NAV1: variants seen among roughly 807,000 people sequenced by gnomAD.
NAV1 encodes the protein neuron navigator 1.
In NAV1, 18 loss-of-function variants were observed where a neutral mutation model predicts 175.2. The ratio of observed to expected loss-of-function variants is 0.10; its 90% confidence interval spans 0.07 to 0.15. The LOEUF (loss-of-function observed/expected upper bound fraction) is 0.15. Ranked by LOEUF, NAV1 falls within the 10% of genes least tolerant of loss-of-function variation. The pLI is 1.00. For synonymous variants in NAV1, 897 were observed against 978.7 expected (o/e 0.92, Z 1.56); for missense variants, 1,731 against 2,436.6 (o/e 0.71, Z 6.10).
At chr1:201,771,547 C>G (rs2102674416) in intron 3 of NAV1, among the ~76,000 whole-genome samples, 1 of 151,556 alleles carries the variant, frequency 6.6e-6, no homozygotes, top group South Asian at 2.1e-4. Flanking sequence ...TATAACAGAG[C>G]CCAAACCTGG....
chr1:201,731,092 C>T (rs1672839313), intron 3 of NAV1, among the ~76,000 whole-genome samples: 1 of 152,094 alleles, frequency 6.6e-6, no homozygotes, highest in South Asian at 2.1e-4. Flanking sequence ...CACATAGCTA[C>T]ATTGGAGGCA....
chr1:201,683,579 T>C (rs778283330), intron 1 of NAV1, among the ~76,000 whole-genome samples: 2 of 152,108 alleles, frequency 1.3e-5, no homozygotes, highest in African/African-American at 2.4e-5. Flanking sequence ...CATGCTTGCC[T>C]GCACACTCAT....
At position 201,568,225 on chromosome 1, in the gene NAV1, C is replaced by T. The variant is rs114640581; in HGVS notation, c.-143-20314C>T. Reference sequence around the variant, plus strand: ...TGATGGACTGGCATCAGAGCAAGCCCCTTGCCCAGTTTTAGTCTTGTGGGC... The same window carrying T: ...TGATGGACTGGCATCAGAGCAAGCCTCTTGCCCAGTTTTAGTCTTGTGGGC... On this transcript the variant is annotated intron_variant, in intron 1 of 33. Coordinates refer to the NAV1 transcript ENST00000685211. Among the ~76,000 whole-genome samples, 235 of 152,272 alleles carry T rather than the reference C, an allele frequency of 1.5e-3. 1 individual carries two copies. Among genetic ancestry groups the T allele is most frequent in the Non-Finnish European group, 2.5e-3 (167 of 68,018 alleles).
rs1676367877 is a variant in NAV1, at chr1:201,782,176, G to A, written c.1664G>A (p.Gly555Asp). 1.9e-6 allele frequency: 3 copies of A among 1,573,898 alleles called. No homozygotes were observed. The highest frequency in any genetic ancestry group is 2.6e-6 in the Non-Finnish European group (3 of 1,160,738). ...TTTCTCATTTCCCGTCCTCTTGCAG[G>A]CAAACCTGAGGGCAAAGCTACAGAC... The change falls in exon 6 of 30, where the codon GGC becomes GAC. Residue 555 changes from glycine (G) to aspartate (D), a missense_variant and splice_region_variant. Physicochemically the swap from Gly to Asp is moderately conservative, Grantham distance 94. Transcript: ENST00000367296. This position sits in a 1 kb window ranked among gnomAD's most constrained non-coding sequence, Gnocchi z 5.4.
chr1:201,599,686 G>C (rs1316036832), intron 2 of NAV1, among the ~76,000 whole-genome samples: 1 of 152,154 alleles, frequency 6.6e-6, no homozygotes, highest in Non-Finnish European at 1.5e-5. Context: ...CCATCAGGCA[G>C]GCTTCCGAGC....
intron 1 of NAV1, among the ~76,000 whole-genome samples, chr1:201,708,947 G>A (rs1388735703): frequency 1.3e-5 from 2 of 152,036 alleles, no homozygotes; most frequent in Admixed American, 6.6e-5. Context: ...TCAGAAGTTC[G>A]AGACCAGCTT....
At chr1:201,657,978 A>G (rs1386560614) in intron 1 of NAV1, among the ~76,000 whole-genome samples, 1 of 152,120 alleles carries the variant, frequency 6.6e-6, no homozygotes, top group Non-Finnish European at 1.5e-5. Flanking sequence ...GGTTGCAGTG[A>G]TCTGAGATCA....
chr1:201,802,457 T>TTA (rs1553278312), intron 15 of NAV1, among the ~76,000 whole-genome samples: 1 of 101,086 alleles, frequency 9.9e-6, no homozygotes, highest in Non-Finnish European at 1.9e-5. Flanking sequence ...CCTGTCTCAT[T>TTA]AAAAAAAAAA....
chr1:201,603,156 A>G (rs979073124), intron 2 of NAV1, among the ~76,000 whole-genome samples: 4 of 152,218 alleles, frequency 2.6e-5, no homozygotes, highest in Non-Finnish European at 5.9e-5. Context: ...GACTGGACTG[A>G]AAATTACAGC....
At chr1:201,764,463 C>T (rs1675065547) in intron 3 of NAV1, among the ~76,000 whole-genome samples, 2 of 152,152 alleles carry the variant, frequency 1.3e-5, no homozygotes, top group African/African-American at 2.4e-5. Context: ...TCTGGTGTCT[C>T]CTTTTTCTTA....
In NAV1 at chr1:201,783,851, A is replaced by G. The variant is rs778412685; in HGVS notation, c.2803A>G (p.Ser935Gly). The change falls in exon 7 of 30, where the codon AGT (serine) becomes GGT (glycine). Residue 935 changes from serine to glycine, a missense_variant and splice_region_variant. Ser to Gly is a moderately conservative substitution (Grantham distance 56). Around this residue, in one of 13 missense-constraint regions of NAV1, gnomAD observed 634 missense variants for 766.8 expected, o/e 0.83. Transcript: ENST00000367296. ...AAGCCCCAGAGCTGGGCAACTGGAC[A>G]GGTAGGTAGAAAAGACAGCAGAACC... 2 of 1,602,424 alleles carry G rather than the reference A, an allele frequency of 1.2e-6. No homozygotes were observed. The highest frequency in any genetic ancestry group is 1.3e-5 in the African/African-American group (1 of 74,694).
At chr1:201,644,789 G>A (rs1668919899), upstream of NAV1, among the ~76,000 whole-genome samples, 1 of 152,180 alleles carries the variant, frequency 6.6e-6, no homozygotes. Flanking sequence ...ATTGAAGGAA[G>A]GGAAAGGACT....
At chr1:201,672,764 C>T (rs1029728489) in intron 1 of NAV1, among the ~76,000 whole-genome samples, 11 of 152,310 alleles carry the variant, frequency 7.2e-5, no homozygotes, top group Middle Eastern at 3.4e-3. Flanking sequence ...TAAGAAGTCC[C>T]TGTGGTCAGA....
intron 1 of NAV1, among the ~76,000 whole-genome samples, chr1:201,692,730 A>T (rs1045618904): frequency 6.6e-6 from 1 of 152,250 alleles, no homozygotes; most frequent in East Asian, 1.9e-4. Context: ...TGTAGGTAGG[A>T]TCAGAGGCAG....
intron 1 of NAV1, among the ~76,000 whole-genome samples, chr1:201,671,108 G>T (rs771625247): frequency 1.3e-5 from 2 of 152,158 alleles, no homozygotes; most frequent in Non-Finnish European, 1.5e-5. Context: ...ATGTCTAAAG[G>T]ACCTACTTAC....
intron 2 of NAV1, among the ~76,000 whole-genome samples, chr1:201,594,369 G>A (rs1667293144): frequency 6.6e-6 from 1 of 152,180 alleles, no homozygotes; most frequent in Non-Finnish European, 1.5e-5. Flanking sequence ...TTGCTGGAAT[G>A]GAAAGCTTGT....
chr1:201,602,636 TGTTTTTTTTTTTTGG>T (rs1667549491), intron 2 of NAV1, among the ~76,000 whole-genome samples: 1 of 138,374 alleles, frequency 7.2e-6, no homozygotes, highest in Non-Finnish European at 1.5e-5. Flanking sequence ...ACTTAAGCTA[TGTTTTTTTTTTTTGG>T]TTTTTTTTTT....
chr1:201,736,492 G>A (rs1673118475), intron 3 of NAV1, among the ~76,000 whole-genome samples: 1 of 152,162 alleles, frequency 6.6e-6, no homozygotes, highest in Non-Finnish European at 1.5e-5. Context: ...CGATGTCTCT[G>A]TTGGAAATGA....
At chr1:201,583,441 C>G (rs547193462) in intron 1 of NAV1, among the ~76,000 whole-genome samples, 2 of 152,352 alleles carry the variant, frequency 1.3e-5, no homozygotes, top group South Asian at 4.1e-4. Flanking sequence ...CTAAGGGGCT[C>G]TTTCTCAAGA....
Sources: allele counts gnomAD v4.1 joint callset (sites outside exome capture counted in the v4.1 genomes callset), GRCh38; gene constraint gnomAD v4.1.1; regional missense constraint gnomAD v4.1.1; non-coding constraint Gnocchi (gnomAD v3.1); transcripts MANE v1.5; gene names NCBI Gene and HGNC (gene_info 2026-07-23, HGNC 2026-07-21).